LRRIQ1: variants seen among roughly 807,000 people sequenced by gnomAD.
The protein encoded by LRRIQ1 is leucine-rich repeat- and IQ domain-containing protein 1.
LRRIQ1 carries 210 observed loss-of-function variants against 211.9 expected under a neutral mutation model. The observed-to-expected ratio is 0.99, with a 90% confidence interval of 0.89 to 1.11. LRRIQ1 has a LOEUF of 1.11. Among genes scored for constraint, LRRIQ1 ranks in the 50% most tolerant of loss-of-function variants. The probability of loss-of-function intolerance (pLI) is 0.00; values close to 1 mark genes in which losing one functional copy is unlikely to be tolerated. For synonymous variants in LRRIQ1, 699 were observed against 650.1 expected (o/e 1.08, Z -1.14); for missense variants, 2,136 against 1,939.5 (o/e 1.10, Z -1.90).
rs1427995822 is a variant in LRRIQ1, at chr12:85,189,893, ATATAT to A, written c.4822+29185_4822+29189del. Among the ~76,000 whole-genome samples, 24 of 144,040 alleles carry A rather than the reference ATATAT, an allele frequency of 1.7e-4. No individual in the cohort carries two copies. The South Asian group carries it at 3.6e-3, about 22-fold the overall frequency. The allele number at this position is 144,040 out of a possible 152,430, so 94.5% of individuals were successfully genotyped here. On this transcript the variant is annotated intron_variant, in intron 24 of 26. Coordinates refer to ENST00000393217, the MANE Select transcript of LRRIQ1 (RefSeq NM_001079910.2). Reference sequence around the variant, plus strand: ...TATATAAGATTATATATTATATATCATATATTATATCTGTAACTACAGTTAATAAT... The same window carrying A: ...TATATAAGATTATATATTATATATCATATATCTGTAACTACAGTTAATAAT...
rs553537178 is a variant in LRRIQ1, at chr12:85,255,203, A to G, written c.122-7712A>G. Among the ~76,000 whole-genome samples the G allele has an allele frequency of 2.0e-5, 3 of 151,992 alleles. No individual in the cohort carries two copies. In the East Asian group the frequency reaches 5.8e-4, roughly 29 times the overall value. ...TAACTCCAGTAGATTTGATGATAAAAATGTAATTATTAAATGCAAAATAAG... is the reference window on the plus strand; with the variant it reads ...TAACTCCAGTAGATTTGATGATAAAGATGTAATTATTAAATGCAAAATAAG... On this transcript the variant is annotated intron_variant, in intron 1 of 1. Coordinates refer to the LRRIQ1 transcript ENST00000602731.
At chr12:85,109,171 C>G (rs1886993124) in intron 15 of LRRIQ1, among the ~76,000 whole-genome samples, 1 of 152,060 alleles carries the variant, frequency 6.6e-6, no homozygotes, top group African/African-American at 2.4e-5. Flanking sequence ...CTTAATGTAC[C>G]TGTAGAACAA....
At chr12:85,110,664 G>A (rs1887108931) in intron 15 of LRRIQ1, among the ~76,000 whole-genome samples, 1 of 152,060 alleles carries the variant, frequency 6.6e-6, no homozygotes, top group Non-Finnish European at 1.5e-5. Flanking sequence ...AAACGGCCTT[G>A]GCTAAAGGGG....
chr12:85,055,467 C>A, intron 7 of LRRIQ1, 80 bp from the exon 8 acceptor site: 1 of 1,140,440 alleles, frequency 8.8e-7, no homozygotes, highest in Non-Finnish European at 1.1e-6. Context: ...TATTTGTTTT[C>A]AATCTACATT....
chr12:85,155,776 C>T (rs570474162), intron 23 of LRRIQ1, among the ~76,000 whole-genome samples: 8 of 151,756 alleles, frequency 5.3e-5, no homozygotes, highest in South Asian at 4.1e-4. Flanking sequence ...CATATGATTC[C>T]GTCTCTGGGA....
chr12:85,260,309 T>C (rs1008460686), intron 1 of LRRIQ1, among the ~76,000 whole-genome samples: 1 of 151,926 alleles, frequency 6.6e-6, no homozygotes, highest in African/African-American at 2.4e-5. Context: ...TATGAAACAC[T>C]GTATCAAAAA....
At chr12:85,188,312 G>A (rs1892328856) in intron 24 of LRRIQ1, among the ~76,000 whole-genome samples, 1 of 152,034 alleles carries the variant, frequency 6.6e-6, no homozygotes, top group African/African-American at 2.4e-5. Flanking sequence ...TGCTGTTAAA[G>A]TATTAACTAT....
intron 24 of LRRIQ1, among the ~76,000 whole-genome samples, chr12:85,163,747 A>T (rs141317108): frequency 6.6e-6 from 1 of 152,260 alleles, no homozygotes; most frequent in African/African-American, 2.4e-5. Context: ...GGAATAGTTG[A>T]TATTAAATAT....
In LRRIQ1 at chr12:85,124,085, GGA is replaced by G. The variant is rs1357611890; in HGVS notation, c.3574_3575del (p.Asp1192TyrfsTer10). On this transcript the variant is annotated frameshift_variant, in exon 17 of 27. Transcript: ENST00000393217. LOFTEE classifies it high-confidence loss of function. Reference sequence around the variant, plus strand: ...ATTTGTTCAGAGATGTATTTACCTTGGATACTGCAGAAAATCTCTGTCATTAT... The same window carrying G: ...ATTTGTTCAGAGATGTATTTACCTTGTACTGCAGAAAATCTCTGTCATTAT... ...ITGKGDVFTL[D>X]TAENLCHYFK... 6.2e-7 allele frequency: 1 copy of G among 1,607,472 alleles called. No homozygotes were observed. The highest frequency in any genetic ancestry group is 2.2e-5 in the East Asian group (1 of 44,862).
intron 1 of LRRIQ1, among the ~76,000 whole-genome samples, chr12:85,036,696 C>A (rs926996310): frequency 8.6e-5 from 13 of 151,744 alleles, no homozygotes; most frequent in African/African-American, 3.1e-4. Context: ...TTCCTTCCTT[C>A]CCTTCTTGTC....
chr12:85,075,859 A>C (rs1023734826), intron 11 of LRRIQ1, among the ~76,000 whole-genome samples: 1 of 131,812 alleles, frequency 7.6e-6, no homozygotes, highest in African/African-American at 3.8e-5. Flanking sequence ...TCTCAAAAAC[A>C]AAAAAAAAAA....
chr12:85,068,797 T>C (rs930022076), intron 10 of LRRIQ1, among the ~76,000 whole-genome samples: 4 of 151,520 alleles, frequency 2.6e-5, no homozygotes, highest in African/African-American at 7.3e-5. Context: ...TTTTTTTTTT[T>C]CCCATTCCGT....
At chr12:85,118,111 G>A (rs186820302) in intron 15 of LRRIQ1, among the ~76,000 whole-genome samples, 1 of 152,220 alleles carries the variant, frequency 6.6e-6, no homozygotes, top group East Asian at 1.9e-4. Context: ...ATGAATAGCT[G>A]TTATCTTAAC....
chr12:85,147,988 A>C (rs1224608263), intron 19 of LRRIQ1, among the ~76,000 whole-genome samples: 1 of 151,706 alleles, frequency 6.6e-6, no homozygotes, highest in Non-Finnish European at 1.5e-5. Context: ...CCAAAACCAG[A>C]AGTGATGTCT....
chr12:85,058,086 G>A (rs898403747), intron 8 of LRRIQ1, among the ~76,000 whole-genome samples: 4 of 151,938 alleles, frequency 2.6e-5, no homozygotes, highest in African/African-American at 9.7e-5. Context: ...GTCTTTTACG[G>A]AGCTTAAACA....
intron 1 of LRRIQ1, among the ~76,000 whole-genome samples, chr12:85,260,032 T>C (rs1896238590): frequency 2.0e-5 from 3 of 151,698 alleles, no homozygotes; most frequent in Admixed American, 1.3e-4. Context: ...TCTATTTCAT[T>C]TTGAAATATT....
chr12:85,050,759 T>C (rs1880208045), intron 6 of LRRIQ1, among the ~76,000 whole-genome samples: 1 of 152,178 alleles, frequency 6.6e-6, no homozygotes, highest in Non-Finnish European at 1.5e-5. Flanking sequence ...CAACTATTTA[T>C]TTAAAAATAC....
At position 85,153,713 on chromosome 12, in the gene LRRIQ1, A is replaced by T; in HGVS notation, c.4592A>T (p.Lys1531Met). 1 of 1,586,344 alleles carries T rather than the reference A, an allele frequency of 6.3e-7. No individual in the cohort carries two copies. The highest frequency in any genetic ancestry group is 2.3e-5 in the East Asian group (1 of 44,278). Reference sequence around the variant, plus strand: ...ACACCTGAATCAAAGACCAGTAGAAAGAGTTTGCTAAAATCTGAAAAAGAA... The same window carrying T: ...ACACCTGAATCAAAGACCAGTAGAATGAGTTTGCTAAAATCTGAAAAAGAA... ...SWTPESKTSR[K>M]SLLKSEKEKK... The change falls in exon 22 of 27, where the codon AAG becomes ATG. Residue 1531 changes from lysine (K) to methionine (M), a missense_variant. Transcript: ENST00000393217.
chr12:85,076,544 T>A (rs1021919814), intron 11 of LRRIQ1: 1 of 633,320 alleles, frequency 1.6e-6, no homozygotes, highest in Non-Finnish European at 2.0e-6. Context: ...TTTTTTTCCT[T>A]CTTTATTTTC....
Sources: allele counts gnomAD v4.1 joint callset (sites outside exome capture counted in the v4.1 genomes callset), GRCh38; gene constraint gnomAD v4.1.1; transcripts MANE v1.5; gene names NCBI Gene and HGNC (gene_info 2026-07-23, HGNC 2026-07-21).